The following PARP8 variants were observed in gnomAD, a reference collection of about 807,000 sequenced individuals.
PARP8 encodes poly(ADP-ribose) polymerase family member 8, also known as protein mono-ADP-ribosyltransferase PARP8.
A neutral mutation model predicts 124.1 loss-of-function variants in PARP8; 51 were observed. The ratio of observed to expected loss-of-function variants is 0.41; its 90% confidence interval spans 0.33 to 0.52. The LOEUF (loss-of-function observed/expected upper bound fraction) is 0.52, where lower values mean the gene tolerates loss of function less well. PARP8 is among the 20% of genes least tolerant of loss of function. The pLI is 0.21. For synonymous variants in PARP8, 391 were observed against 361.5 expected, an observed-to-expected ratio of 1.08 and a Z score of -0.93; for missense variants, 860 against 1,018.9, an observed-to-expected ratio of 0.84 and a Z score of 2.12.
At chr5:50,676,817 A>G (rs917056118) in intron 2 of PARP8, among the ~76,000 whole-genome samples, 2 of 152,236 alleles carry the variant, frequency 1.3e-5, no homozygotes, top group South Asian at 2.1e-4. Context: ...CATTTCTCAG[A>G]CTTTTTCCAC....
chr5:50,749,518 G>A (rs1018254870), intron 2 of PARP8, among the ~76,000 whole-genome samples: 2 of 151,826 alleles, frequency 1.3e-5, no homozygotes, highest in Non-Finnish European at 2.9e-5. Context: ...GAGGCAGCAG[G>A]GTTACTGAGA....
chr5:50,778,599 C>T lies in PARP8; in HGVS notation c.619C>T (p.Pro207Ser), dbSNP rs573101051. The T allele has an allele frequency of 1.9e-6, 3 of 1,608,776 alleles. No homozygotes were observed. The highest frequency in any genetic ancestry group is 2.2e-5 in the East Asian group (1 of 44,724). Residue 207 changes from proline to serine, a missense_variant, in exon 9 of 26, where the codon CCT becomes TCT. Pro to Ser is a moderately conservative substitution (Grantham distance 74, BLOSUM62 -1). Around this residue, in one of 2 missense-constraint regions of PARP8, gnomAD observed 517 missense variants for 544.2 expected, o/e 0.95. Coordinates refer to ENST00000281631, the MANE Select transcript of PARP8 (RefSeq NM_024615.4). ...GGCTTGGGAAGTAATTCGAACAGAA[C>T]CTATAATTGTTCGACTACACTGTTC... is the stretch of plus-strand genomic sequence containing the variant. Reference protein sequence around the residue: ...AVAWEVIRTEPIIVRLHCSLT... With the variant: ...AVAWEVIRTESIIVRLHCSLT...
rs1488604681 is a variant in PARP8 at position 50,666,871 on chromosome 5, CG to C, written c.-223del. 1.5e-6 allele frequency: 2 copies of C among 1,376,370 alleles called. No homozygotes were observed. Among genetic ancestry groups the C allele is most frequent in the Non-Finnish European group, 1.9e-6 (2 of 1,065,898 alleles). The allele number at this position is 1,376,370 out of a possible 1,614,324, so 85.3% of individuals were successfully genotyped here. A position where few individuals can be genotyped will look rare whatever the true frequency, so the allele number is the denominator to read the frequency against. On this transcript the variant is annotated 5_prime_UTR_variant, in exon 1 of 26. Transcript: ENST00000281631. Reference sequence around the variant, plus strand: ...CCAGCAGCGGCGAGCAGCAGCTGGGCGGTCACATCTGGGAATGCAAAGCCGA... The same window carrying C: ...CCAGCAGCGGCGAGCAGCAGCTGGGCGTCACATCTGGGAATGCAAAGCCGA...
chr5:50,811,648 G>C (rs1316990916), intron 14 of PARP8, among the ~76,000 whole-genome samples: 7 of 151,664 alleles, frequency 4.6e-5, no homozygotes, highest in Non-Finnish European at 7.4e-5. Flanking sequence ...GTGCAGGTTT[G>C]TTACCTATGT....
Position 50,823,073 on chromosome 5 carries a change from A to G in PARP8, c.1860+673A>G, listed in dbSNP as rs775428827. On this transcript the variant is annotated intron_variant, in intron 17 of 25. Coordinates refer to ENST00000281631, the MANE Select transcript of PARP8 (RefSeq NM_024615.4). ...AGAAATTAATAATCTGAGATTGACA[A>G]CGCACATTATGTGTGCAGCTTGCAT... Among the ~76,000 whole-genome samples, 216 of 152,212 alleles carry G rather than the reference A, an allele frequency of 1.4e-3. 1 individual carries two copies. Among genetic ancestry groups the G allele is most frequent in the Non-Finnish European group, 2.1e-3 (141 of 68,042 alleles).
intron 9 of PARP8, among the ~76,000 whole-genome samples, chr5:50,779,926 A>G (rs1325206778): frequency 1.3e-5 from 2 of 152,206 alleles, no homozygotes; most frequent in African/African-American, 4.8e-5. Context: ...CATAATATAA[A>G]TTACATATTC....
intron 14 of PARP8, among the ~76,000 whole-genome samples, chr5:50,806,627 A>G (rs1387447507): frequency 2.0e-5 from 3 of 152,056 alleles, no homozygotes; most frequent in African/African-American, 7.2e-5. Context: ...AACGTTCTTA[A>G]ATAGTAAGAT....
At chr5:50,723,336 C>G (rs1249035399) in intron 2 of PARP8, among the ~76,000 whole-genome samples, 1 of 152,068 alleles carries the variant, frequency 6.6e-6, no homozygotes, top group Non-Finnish European at 1.5e-5. Context: ...ATTGTATTCT[C>G]TACTAGGTAT....
At chr5:50,719,750 C>A (rs1003358954) in intron 2 of PARP8, among the ~76,000 whole-genome samples, 2 of 151,834 alleles carry the variant, frequency 1.3e-5, no homozygotes, top group African/African-American at 4.8e-5. Flanking sequence ...CTTCCTTTTT[C>A]TTTTAGAAGT....
chr5:50,762,802 C>G (rs746721841), intron 6 of PARP8, among the ~76,000 whole-genome samples: 3 of 152,160 alleles, frequency 2.0e-5, no homozygotes, highest in African/African-American at 4.8e-5. Flanking sequence ...CAAAATCATT[C>G]CTGTTTGATT....
rs1423358531 is a variant in PARP8, at chr5:50,846,517, C to T, written c.*4449C>T. ...TTTCAATAAATCTGAACTTGTTCAA[C>T]AAGTACGGTATATGTGGGCAGTATT... is the stretch of plus-strand genomic sequence containing the variant. On this transcript the variant is annotated 3_prime_UTR_variant, in exon 26 of 26. Coordinates refer to ENST00000281631, the MANE Select transcript of PARP8 (RefSeq NM_024615.4). 2 of 151,110 alleles carry T rather than the reference C, an allele frequency of 1.3e-5. No homozygotes were observed. The highest frequency in any genetic ancestry group is 4.9e-5 in the African/African-American group (2 of 41,002). 9.4% of individuals were successfully genotyped at this position (151,110 alleles called of 1,614,324 possible).
At chr5:50,752,989 CTT>C (rs1372500970) in intron 3 of PARP8, among the ~76,000 whole-genome samples, 1 of 151,738 alleles carries the variant, frequency 6.6e-6, no homozygotes, top group Admixed American at 6.6e-5. Flanking sequence ...TTTAGAGGGC[CTT>C]TGTTGAGTCA....
intron 5 of PARP8, among the ~76,000 whole-genome samples, chr5:50,760,716 A>G (rs1294273691): frequency 6.6e-6 from 1 of 152,112 alleles, no homozygotes; most frequent in African/African-American, 2.4e-5. Flanking sequence ...GATCCTTAAA[A>G]TTTTAAAAGA....
chr5:50,739,475 A>C (rs1164429553), intron 2 of PARP8, among the ~76,000 whole-genome samples: 9 of 151,896 alleles, frequency 5.9e-5, no homozygotes, highest in Non-Finnish European at 1.0e-4. Context: ...TCCATATTTC[A>C]TCTTCCTTGT....
At chr5:50,764,144 C>T (rs1238224174) in intron 7 of PARP8, among the ~76,000 whole-genome samples, 1 of 152,238 alleles carries the variant, frequency 6.6e-6, no homozygotes, top group African/African-American at 2.4e-5. Flanking sequence ...GGACTTCCAT[C>T]ACATTTGGCT....
At chr5:50,703,196 G>T (rs1015767089) in intron 2 of PARP8, among the ~76,000 whole-genome samples, 1 of 151,820 alleles carries the variant, frequency 6.6e-6, no homozygotes, top group Admixed American at 6.6e-5. Flanking sequence ...AGCTACTTGG[G>T]AGGCGGAGGT....
chr5:50,693,899 T>C (rs7726225), intron 2 of PARP8, among the ~76,000 whole-genome samples: 1 of 151,826 alleles, frequency 6.6e-6, no homozygotes, highest in East Asian at 1.9e-4. Flanking sequence ...ATATATGTCC[T>C]TTCCCTTTTT....
At chr5:50,754,919 T>C (rs1428871605) in intron 3 of PARP8, among the ~76,000 whole-genome samples, 3 of 152,196 alleles carry the variant, frequency 2.0e-5, no homozygotes, top group Non-Finnish European at 4.4e-5. Context: ...TTGATTTGCA[T>C]TTCTCTGATG....
At chr5:50,788,638 G>C in intron 10 of PARP8, 49 bp downstream of exon 10, 4 of 1,474,506 alleles carry the variant, frequency 2.7e-6, no homozygotes, top group Non-Finnish European at 3.7e-6. Flanking sequence ...AGAGAACTGA[G>C]TTCTCATTTT....
Sources: allele counts gnomAD v4.1 joint callset (sites outside exome capture counted in the v4.1 genomes callset), GRCh38; gene constraint gnomAD v4.1.1; regional missense constraint gnomAD v4.1.1; transcripts MANE v1.5; gene names NCBI Gene and HGNC (gene_info 2026-07-23, HGNC 2026-07-21).